ARL13B: variants seen among roughly 807,000 people sequenced by gnomAD.
ARL13B encodes the protein ADP-ribosylation factor-like protein 13B.
In ARL13B, 36 loss-of-function variants were observed where a neutral mutation model predicts 56.1. That is an observed-to-expected ratio of 0.64 (90% CI 0.49 to 0.85). The LOEUF (loss-of-function observed/expected upper bound fraction) is 0.85. Among genes scored for constraint, ARL13B ranks in the 40% least tolerant of loss-of-function variants. The pLI is 0.00. For missense variants in ARL13B, 519 were observed against 507.1 expected (o/e 1.02, Z -0.23); for synonymous variants, 178 against 171.1 (o/e 1.04, Z -0.32).
intron 7 of ARL13B, among the ~76,000 whole-genome samples, chr3:94,047,626 A>G (rs1416498067): frequency 1.3e-5 from 2 of 152,206 alleles, no homozygotes; most frequent in Non-Finnish European, 2.9e-5. Flanking sequence ...TGAAGAAACC[A>G]GGGACTTGAA....
chr3:94,037,203 A>G (rs979402761), intron 5 of ARL13B, among the ~76,000 whole-genome samples: 7 of 152,190 alleles, frequency 4.6e-5, no homozygotes, highest in Non-Finnish European at 1.0e-4. Flanking sequence ...ACAACAAAGA[A>G]TTATCAGGCT....
At chr3:94,009,081 A>T (rs1020941043) in intron 3 of ARL13B, among the ~76,000 whole-genome samples, 1 of 127,832 alleles carries the variant, frequency 7.8e-6, no homozygotes, top group Admixed American at 8.7e-5. Flanking sequence ...GTAAAGATAG[A>T]TAGATAGATA....
At chr3:93,992,308 G>A (rs1290499699) in intron 1 of ARL13B, among the ~76,000 whole-genome samples, 1 of 152,118 alleles carries the variant, frequency 6.6e-6, no homozygotes, top group Non-Finnish European at 1.5e-5. Flanking sequence ...ACTCATAAGG[G>A]ATGTGAAAAG....
In ARL13B at chr3:94,055,327, G is replaced by A. The variant is rs755129727; in HGVS notation, c.*2064G>A. 4.2e-5 allele frequency: 18 copies of A among 431,164 alleles called. No homozygotes were observed. In the East Asian group the frequency reaches 1.1e-3, roughly 25 times the overall value. 26.7% of individuals were successfully genotyped at this position (431,164 alleles called of 1,614,324 possible). On this transcript the variant is annotated 3_prime_UTR_variant, in exon 10 of 10. Transcript: ENST00000394222. ...GGTAGATTTAAATGATTTCCTTTGGGTAATAAAATAGGTAAAGATTTTAAA... is the reference window on the plus strand; with the variant it reads ...GGTAGATTTAAATGATTTCCTTTGGATAATAAAATAGGTAAAGATTTTAAA...
At chr3:94,050,944 TTTTCTTTA>T in intron 9 of ARL13B, 52 bp downstream of exon 9, 3 of 1,537,468 alleles carry the variant, frequency 2.0e-6, no homozygotes, top group Non-Finnish European at 2.7e-6. Context: ...TCACATTCAC[TTTTCTTTA>T]GCCTTATAAT....
intron 3 of ARL13B, among the ~76,000 whole-genome samples, chr3:94,029,364 T>TTTG (rs2076632967): frequency 7.6e-6 from 1 of 130,958 alleles, no homozygotes; most frequent in African/African-American, 3.1e-5. Flanking sequence ...TTTTTTTTTT[T>TTTG]GAGAAGGAGT....
intron 3 of ARL13B, among the ~76,000 whole-genome samples, chr3:94,011,867 A>G (rs2076230067): frequency 6.6e-6 from 1 of 152,032 alleles, no homozygotes; most frequent in Non-Finnish European, 1.5e-5. Context: ...GTATTTCTTC[A>G]TGTCACATTC....
Position 94,054,726 on chromosome 3 carries a change from A to T in ARL13B, c.*1463A>T, listed in dbSNP as rs1042319699. ...TAATCAGGTCACCTGTACTCTAGTCAGCACTGTATATATTCTTGGAGTTTG... is the reference window on the plus strand; with the variant it reads ...TAATCAGGTCACCTGTACTCTAGTCTGCACTGTATATATTCTTGGAGTTTG... On this transcript the variant is annotated 3_prime_UTR_variant, in exon 10 of 10. Coordinates refer to ENST00000394222, the MANE Select transcript of ARL13B (RefSeq NM_001174150.2). 4.8e-6 allele frequency: 2 copies of T among 418,954 alleles called. No individual in the cohort carries two copies. The highest frequency in any genetic ancestry group is 9.5e-6 in the Non-Finnish European group (2 of 211,042). 26.0% of individuals were successfully genotyped at this position (418,954 alleles called of 1,614,324 possible). A position where few individuals can be genotyped will look rare whatever the true frequency, so the allele number is the denominator to read the frequency against.
intron 3 of ARL13B, among the ~76,000 whole-genome samples, chr3:94,010,331 T>C (rs1221469508): frequency 6.6e-6 from 1 of 152,116 alleles, no homozygotes; most frequent in Non-Finnish European, 1.5e-5. Flanking sequence ...ATCATTATTA[T>C]TGATAATATA....
intron 1 of ARL13B, among the ~76,000 whole-genome samples, chr3:93,990,008 T>G (rs2107352276): frequency 6.6e-6 from 1 of 152,224 alleles, no homozygotes; most frequent in East Asian, 1.9e-4. Flanking sequence ...TGTTTTGTTT[T>G]GTTTTGTTTT....
rs199699009 is a variant in ARL13B at position 94,003,811 on chromosome 3, G to T, written c.283G>T (p.Val95Phe). The stretch of plus-strand genomic sequence containing the variant: ...TGCTGAATCCTATGGGGTAATATTT[G>T]TTGTGGATTCCAGTGATGAAGAGAG... ...YYAESYGVIF[V>F]VDSSDEERME... Residue 95 changes from valine (V) to phenylalanine (F), a missense_variant, in exon 3 of 10, where the codon GTT becomes TTT. Val to Phe is a conservative substitution (Grantham distance 50, BLOSUM62 -1). Coordinates refer to ENST00000394222, the MANE Select transcript of ARL13B (RefSeq NM_001174150.2). 1 of 1,613,758 alleles carries T rather than the reference G, an allele frequency of 6.2e-7. No homozygotes were observed. The highest frequency in any genetic ancestry group is 2.2e-5 in the East Asian group (1 of 44,812).
chr3:94,046,389 C>T (rs2076985069), intron 7 of ARL13B, among the ~76,000 whole-genome samples: 1 of 151,770 alleles, frequency 6.6e-6, no homozygotes, highest in Non-Finnish European at 1.5e-5. Flanking sequence ...ATATACTATT[C>T]CTTGAATATA....
At chr3:94,026,021 CTT>C (rs548770030) in intron 3 of ARL13B, among the ~76,000 whole-genome samples, 15 of 140,260 alleles carry the variant, frequency 1.1e-4, no homozygotes, top group Admixed American at 2.2e-4. Context: ...GAAAACTTCT[CTT>C]TTTTTTTTTT....
chr3:94,039,834 A>G, intron 5 of ARL13B, 46 bp from the exon 6 acceptor site: 1 of 1,549,428 alleles, frequency 6.5e-7, no homozygotes, highest in Non-Finnish European at 8.9e-7. Context: ...AACATGGTTC[A>G]GCACTTTCTC....
At position 94,043,103 on chromosome 3, in the gene ARL13B, A is replaced by G; in HGVS notation, c.887A>G (p.Glu296Gly). The G allele has an allele frequency of 6.2e-7, 1 of 1,613,806 alleles. No individual in the cohort carries two copies. The highest frequency in any genetic ancestry group is 8.5e-7 in the Non-Finnish European group (1 of 1,179,928). ...CACCTGAAACATAAAATGGAGCATGAGCAAATAGAGACACAAGGCCAGGTT... is the reference window on the plus strand; with the variant it reads ...CACCTGAAACATAAAATGGAGCATGGGCAAATAGAGACACAAGGCCAGGTT... ...GCHLKHKMEH[E>G]QIETQGQVNH... Residue 296 changes from glutamate to glycine, a missense_variant, in exon 7 of 10, where the codon GAG becomes GGG. By Grantham distance (98) the Glu-to-Gly change is moderately conservative (BLOSUM62 -2). Coordinates refer to ENST00000394222, the MANE Select transcript of ARL13B (RefSeq NM_001174150.2).
chr3:94,053,765 T>C lies in ARL13B; in HGVS notation c.*502T>C. The C allele has an allele frequency of 3.4e-6, 1 of 298,148 alleles. No homozygotes were observed. Among genetic ancestry groups the C allele is most frequent in the South Asian group, 3.2e-5 (1 of 31,620 alleles). The allele number at this position is 298,148 out of a possible 1,614,324, so 18.5% of individuals were successfully genotyped here. ...ATTACTGTGATATTGATTATACACCTTTTTTATAGATGATTTGTTTAAATT... is the reference window on the plus strand; with the variant it reads ...ATTACTGTGATATTGATTATACACCCTTTTTATAGATGATTTGTTTAAATT... On this transcript the variant is annotated 3_prime_UTR_variant, in exon 10 of 10. Transcript: ENST00000394222.
intron 4 of ARL13B, among the ~76,000 whole-genome samples, chr3:94,036,316 C>T (rs944275444): frequency 6.6e-5 from 10 of 151,992 alleles, no homozygotes; most frequent in Non-Finnish European, 1.0e-4. Context: ...GGCACTGTCA[C>T]CCTCTTCTTT....
chr3:93,995,001 G>T (rs2075941291), intron 1 of ARL13B, among the ~76,000 whole-genome samples: 1 of 152,034 alleles, frequency 6.6e-6, no homozygotes, highest in Non-Finnish European at 1.5e-5. Flanking sequence ...GTTAAGCTGT[G>T]GCCTTCTTTT....
At chr3:93,992,964 T>G (rs1451023276) in intron 1 of ARL13B, among the ~76,000 whole-genome samples, 1 of 150,832 alleles carries the variant, frequency 6.6e-6, no homozygotes, top group African/African-American at 2.4e-5. Context: ...TGCTAATTTT[T>G]GTATTTTTTT....
Sources: gnomAD v4.1 joint callset for allele counts (sites outside exome capture counted in the v4.1 genomes callset) on GRCh38, gnomAD v4.1.1 for gene constraint, MANE v1.5 for transcripts, NCBI Gene and HGNC (gene_info 2026-07-23, HGNC 2026-07-21) for gene names.